The following TAF3 variants were observed in gnomAD, a reference collection of about 807,000 sequenced individuals.
The protein encoded by TAF3 is transcription initiation factor TFIID subunit 3.
Under a neutral mutation model 80.6 loss-of-function variants are expected in TAF3, and 7 were observed. The observed-to-expected ratio is 0.09, with a 90% confidence interval of 0.05 to 0.16. TAF3 has a LOEUF of 0.16. Ranked by LOEUF, TAF3 falls within the 10% of genes least tolerant of loss-of-function variation. The pLI is 1.00. For synonymous variants in TAF3, 444 were observed against 446.1 expected (o/e 1.00, Z 0.06); for missense variants, 921 against 1,140.2 (o/e 0.81, Z 2.77).
chr10:7,984,572 T>G (rs1831758751), intron 4 of TAF3, among the ~76,000 whole-genome samples: 1 of 152,236 alleles, frequency 6.6e-6, no homozygotes, highest in Non-Finnish European at 1.5e-5. Flanking sequence ...ATTTAATTTG[T>G]TGTAAAAGAT....
intron 2 of TAF3, among the ~76,000 whole-genome samples, chr10:7,961,713 T>G (rs1451191061): frequency 1.3e-5 from 2 of 152,200 alleles, no homozygotes; most frequent in Non-Finnish European, 2.9e-5. Flanking sequence ...AGCTGCCGAG[T>G]AGGCATTGCA....
chr10:7,858,828 G>A (rs1041340591), intron 2 of TAF3, among the ~76,000 whole-genome samples: 1 of 148,692 alleles, frequency 6.7e-6, no homozygotes, highest in East Asian at 2.0e-4. Context: ...GTGTGTGTGT[G>A]CGCGCGCCTG....
intron 2 of TAF3, among the ~76,000 whole-genome samples, chr10:7,890,507 G>T (rs1009440131): frequency 2.6e-5 from 4 of 152,126 alleles, no homozygotes; most frequent in Admixed American, 6.5e-5. Context: ...TTCATATTAC[G>T]AAAACTTTAT....
chr10:7,840,212 G>A (rs1463278037), intron 2 of TAF3, among the ~76,000 whole-genome samples: 1 of 151,492 alleles, frequency 6.6e-6, no homozygotes, highest in African/African-American at 2.4e-5. Context: ...GAGTGCAGTG[G>A]CGCCATCTCG....
intron 3 of TAF3, among the ~76,000 whole-genome samples, chr10:7,967,843 T>C (rs1013679376): frequency 6.6e-6 from 1 of 152,200 alleles, no homozygotes; most frequent in South Asian, 2.1e-4. Flanking sequence ...TATGGGCAGG[T>C]CAGCTATTAA....
rs796636827 is a variant in TAF3 at position 7,863,907 on chromosome 10, T to C, written c.409+39347T>C. ...TCAATGTTTTACATGGCATACATAGTTTTTTTCTTTAACAATAGACTTAAT... is the reference window on the plus strand; with the variant it reads ...TCAATGTTTTACATGGCATACATAGCTTTTTTCTTTAACAATAGACTTAAT... On this transcript the variant is annotated intron_variant, in intron 2 of 6. Transcript: ENST00000344293. Among the ~76,000 whole-genome samples the C allele has an allele frequency of 4.6e-5, 7 of 151,988 alleles. 1 individual carries two copies. Among genetic ancestry groups the C allele is most frequent in the African/African-American group, 1.7e-4 (7 of 41,474 alleles).
rs979391916 is a variant in TAF3, at chr10:7,996,250, C to T, written c.2316-12828C>T. 1.4e-4 allele frequency among the ~76,000 whole-genome samples: 21 copies of T among 152,260 alleles called. No individual in the cohort carries two copies. The East Asian group carries it at 3.1e-3, about 22-fold the overall frequency. On this transcript the variant is annotated intron_variant, in intron 4 of 6. Transcript: ENST00000344293. The stretch of plus-strand genomic sequence containing the variant: ...GAGGCTTCTGTGAGGGTAGAGAAGC[C>T]GCTTCAAGCTCACGCACAGCTGTCG...
At chr10:7,836,619 CAGTT>C (rs1836854714) in intron 2 of TAF3, among the ~76,000 whole-genome samples, 1 of 152,182 alleles carries the variant, frequency 6.6e-6, no homozygotes, top group African/African-American at 2.4e-5. Context: ...TTATCCATCT[CAGTT>C]GGTGGCACCA....
At chr10:7,967,839 C>T (rs1346667689) in intron 3 of TAF3, among the ~76,000 whole-genome samples, 1 of 152,138 alleles carries the variant, frequency 6.6e-6, no homozygotes, top group Non-Finnish European at 1.5e-5. Context: ...TTAATATGGG[C>T]AGGTCAGCTA....
chr10:7,872,233 T>TTTTTC (rs1554778958), intron 2 of TAF3, among the ~76,000 whole-genome samples: 2 of 132,596 alleles, frequency 1.5e-5, no homozygotes, highest in Admixed American at 1.5e-4. Context: ...TTTTTTTTTT[T>TTTTTC]CTTTCTTTCC....
intron 2 of TAF3, among the ~76,000 whole-genome samples, chr10:7,939,142 T>C (rs1165477933): frequency 1.3e-5 from 2 of 152,238 alleles, no homozygotes; most frequent in African/African-American, 2.4e-5. Flanking sequence ...AAAAGTCTGT[T>C]TGTGCATGTT....
At chr10:7,951,953 T>C (rs1454970389) in intron 2 of TAF3, among the ~76,000 whole-genome samples, 1 of 152,210 alleles carries the variant, frequency 6.6e-6, no homozygotes, top group Non-Finnish European at 1.5e-5. Context: ...ATTTGCCTAA[T>C]TTGTCTTATT....
intron 2 of TAF3, among the ~76,000 whole-genome samples, chr10:7,885,935 T>A (rs920248993): frequency 3.3e-5 from 5 of 152,180 alleles, no homozygotes; most frequent in Non-Finnish European, 5.9e-5. Context: ...TACTTTTTTT[T>A]AATTACGTTT....
chr10:7,890,745 T>C (rs1588540604), intron 2 of TAF3, among the ~76,000 whole-genome samples: 1 of 152,212 alleles, frequency 6.6e-6, no homozygotes, highest in East Asian at 1.9e-4. Context: ...AATTTTAACT[T>C]CTAATTCTTT....
At chr10:7,978,071 A>G (rs1463738701) in intron 4 of TAF3, among the ~76,000 whole-genome samples, 3 of 152,060 alleles carry the variant, frequency 2.0e-5, no homozygotes, top group Non-Finnish European at 4.4e-5. Context: ...CCCTTGTTCT[A>G]AAAGCATATT....
At chr10:7,959,076 C>T (rs955843842) in intron 2 of TAF3, among the ~76,000 whole-genome samples, 2 of 151,750 alleles carry the variant, frequency 1.3e-5, no homozygotes, top group African/African-American at 2.4e-5. Context: ...GGAGGCGGAG[C>T]TTGCAGTGAG....
intron 2 of TAF3, among the ~76,000 whole-genome samples, chr10:7,917,536 G>A (rs1159507046): frequency 6.6e-6 from 1 of 152,254 alleles, no homozygotes. Context: ...ATATGGAATG[G>A]ACTTGGGATT....
At chr10:7,943,109 A>G (rs556534947) in intron 2 of TAF3, among the ~76,000 whole-genome samples, 180 of 152,310 alleles carry the variant, frequency 1.2e-3, no homozygotes, top group African/African-American at 4.2e-3. Flanking sequence ...GCTCAGATCA[A>G]AGGAGTCCAA....
At chr10:7,822,413 A>G in intron 1 of TAF3, among the ~76,000 whole-genome samples, 1 of 152,266 alleles carries the variant, frequency 6.6e-6, no homozygotes, top group Non-Finnish European at 1.5e-5. Flanking sequence ...GCCTGTTTAC[A>G]TTCAGTAAGA....
Sources: allele counts gnomAD v4.1 joint callset (sites outside exome capture counted in the v4.1 genomes callset), GRCh38; gene constraint gnomAD v4.1.1; transcripts MANE v1.5; gene names NCBI Gene and HGNC (gene_info 2026-07-23, HGNC 2026-07-21).